TEAD1: variants seen among roughly 807,000 people sequenced by gnomAD.
TEAD1 encodes TEA domain transcription factor 1.
TEAD1 carries 9 observed loss-of-function variants against 54.9 expected under a neutral mutation model. The ratio of observed to expected loss-of-function variants is 0.16; its 90% CI spans 0.10 to 0.29. The LOEUF (loss-of-function observed/expected upper bound fraction) is 0.29. Ranked by LOEUF, TEAD1 falls within the 10% of genes least tolerant of loss-of-function variation. TEAD1 has a pLI of 1.00. For missense variants in TEAD1, 387 were observed against 535.9 expected (o/e 0.72, Z 2.74); for synonymous variants, 200 against 187.8 (o/e 1.07, Z -0.53).
intron 9 of TEAD1, among the ~76,000 whole-genome samples, chr11:12,891,523 G>C (rs1215300377): frequency 6.6e-6 from 1 of 152,234 alleles, no homozygotes; most frequent in Non-Finnish European, 1.5e-5. Context: ...GTAATGACTG[G>C]GTGTTGGAGA....
intron 2 of TEAD1, among the ~76,000 whole-genome samples, chr11:12,704,861 G>A (rs1287475117): frequency 6.6e-6 from 1 of 152,138 alleles, no homozygotes; most frequent in Non-Finnish European, 1.5e-5. Flanking sequence ...TTCATTTTTG[G>A]CATCTTCAGA....
chr11:12,930,432 C>G, intron 12 of TEAD1, 106 bp downstream of exon 12: 1 of 1,408,130 alleles, frequency 7.1e-7, no homozygotes, highest in African/African-American at 1.4e-5. Flanking sequence ...AGGGAACTGA[C>G]CAGGTTGTTG....
At chr11:12,716,123 TTGTC>T (rs906236534) in intron 2 of TEAD1, among the ~76,000 whole-genome samples, 2 of 151,764 alleles carry the variant, frequency 1.3e-5, no homozygotes, top group African/African-American at 2.4e-5. Flanking sequence ...CGCGGGCTCT[TTGTC>T]TGTCGGCTTC....
intron 3 of TEAD1, among the ~76,000 whole-genome samples, chr11:12,836,158 C>T (rs377481398): frequency 6.6e-5 from 10 of 152,230 alleles, no homozygotes; most frequent in South Asian, 6.2e-4. Flanking sequence ...TGGTGGCTCA[C>T]GCCTGTAATC....
chr11:12,864,637 G>GTTTT (rs545730659), intron 4 of TEAD1: 58 of 1,273,274 alleles, frequency 4.6e-5, no homozygotes, highest in Non-Finnish European at 5.7e-5. Flanking sequence ...GTTTTGTTTT[G>GTTTT]TTTTGTTTTG....
chr11:12,829,231 A>G (rs529090047), intron 3 of TEAD1, among the ~76,000 whole-genome samples: 4 of 152,312 alleles, frequency 2.6e-5, no homozygotes, highest in East Asian at 3.9e-4. Flanking sequence ...TTACCATACC[A>G]TTGAATTCTC....
chr11:12,842,724 A>C (rs998460952), intron 3 of TEAD1, among the ~76,000 whole-genome samples: 1 of 152,066 alleles, frequency 6.6e-6, no homozygotes, highest in Admixed American at 6.6e-5. Context: ...CCAATAAGTG[A>C]ATTTTTTTTT....
rs1949154970 is a variant in TEAD1, at chr11:12,940,767, CCTTTA to C, written c.*3549_*3553del. On this transcript the variant is annotated 3_prime_UTR_variant, in exon 13 of 13. Coordinates refer to ENST00000527636, the MANE Select transcript of TEAD1 (RefSeq NM_021961.6). The stretch of plus-strand genomic sequence containing the variant: ...ATTTCTCGTGGGTCTCATTATCAAA[CCTTTA>C]CTTATTTCGGCATATTTCCTCTGGG... The C allele has an allele frequency of 1.3e-5, 2 of 152,146 alleles. No individual in the cohort carries two copies. Among genetic ancestry groups the C allele is most frequent in the African/African-American group, 4.8e-5 (2 of 41,438 alleles). The allele number at this position is 152,146 out of a possible 1,614,324, so 9.4% of individuals were successfully genotyped here. A position where few individuals can be genotyped will look rare whatever the true frequency, so the allele number is the denominator to read the frequency against.
chr11:12,719,250 C>CT (rs1339493923), intron 2 of TEAD1, among the ~76,000 whole-genome samples: 1 of 152,060 alleles, frequency 6.6e-6, no homozygotes, highest in Non-Finnish European at 1.5e-5. Context: ...ACCTTTGACT[C>CT]TGCCTAGTGG....
At chr11:12,882,465 C>T (rs915938476) in intron 8 of TEAD1, among the ~76,000 whole-genome samples, 3 of 152,158 alleles carry the variant, frequency 2.0e-5, no homozygotes, top group African/African-American at 4.8e-5. Context: ...TAGAATTACT[C>T]CTTTGCACTA....
At chr11:12,722,664 T>C (rs1461470007) in intron 2 of TEAD1, among the ~76,000 whole-genome samples, 25 of 148,810 alleles carry the variant, frequency 1.7e-4, no homozygotes, top group Admixed American at 7.9e-4. Flanking sequence ...TTTTTTTTTT[T>C]CACAAAAATA....
intron 3 of TEAD1, among the ~76,000 whole-genome samples, chr11:12,800,969 G>T (rs1383419274): frequency 6.6e-6 from 1 of 152,218 alleles, no homozygotes; most frequent in Non-Finnish European, 1.5e-5. Flanking sequence ...TAAAAATTCT[G>T]TTGAATGCAT....
chr11:12,822,052 C>T (rs1383912929), intron 3 of TEAD1, among the ~76,000 whole-genome samples: 1 of 147,182 alleles, frequency 6.8e-6, no homozygotes, highest in Non-Finnish European at 1.5e-5. Flanking sequence ...CAAGCTCCGC[C>T]TCCCAGGTTC....
In TEAD1 at chr11:12,820,624, C is replaced by T. The variant is rs545974237; in HGVS notation, c.203-41626C>T. 2.0e-5 allele frequency among the ~76,000 whole-genome samples: 3 copies of T among 152,116 alleles called. No homozygotes were observed. The East Asian group carries it at 5.8e-4, about 29-fold the overall frequency. ...CATGGTTGGGTTGAGAGAGGAAATG[C>T]GATTATACAAAAAACGTAGAATACA... is the stretch of plus-strand genomic sequence containing the variant. On this transcript the variant is annotated intron_variant, in intron 3 of 12. Coordinates refer to ENST00000527636, the MANE Select transcript of TEAD1 (RefSeq NM_021961.6).
intron 3 of TEAD1, among the ~76,000 whole-genome samples, chr11:12,781,566 C>G (rs1219091006): frequency 2.0e-5 from 3 of 150,880 alleles, no homozygotes; most frequent in African/African-American, 7.3e-5. Context: ...CAAAGATGCT[C>G]AAAACCATTA....
intron 9 of TEAD1, among the ~76,000 whole-genome samples, chr11:12,890,214 C>G (rs1036068405): frequency 6.6e-6 from 1 of 152,128 alleles, no homozygotes; most frequent in Non-Finnish European, 1.5e-5. Context: ...TATTCTTAAC[C>G]ATGTCACTGT....
chr11:12,682,576 A>T (rs760037783), intron 2 of TEAD1, among the ~76,000 whole-genome samples: 1 of 152,144 alleles, frequency 6.6e-6, no homozygotes, highest in Non-Finnish European at 1.5e-5. Flanking sequence ...TGAACTGTGG[A>T]TAAACCACCC....
intron 2 of TEAD1, among the ~76,000 whole-genome samples, chr11:12,746,251 T>C (rs1164134759): frequency 1.3e-5 from 2 of 152,202 alleles, no homozygotes; most frequent in East Asian, 3.8e-4. Context: ...TAAATGCTTT[T>C]TATTAGCCTT....
At chr11:12,877,076 C>T (rs925592747) in intron 5 of TEAD1, among the ~76,000 whole-genome samples, 2 of 152,146 alleles carry the variant, frequency 1.3e-5, no homozygotes, top group African/African-American at 4.8e-5. Context: ...GTTGAGGAAG[C>T]TAGCTTTAGG....
Sources: allele counts gnomAD v4.1 joint callset (sites outside exome capture counted in the v4.1 genomes callset), GRCh38; gene constraint gnomAD v4.1.1; transcripts MANE v1.5; gene names NCBI Gene and HGNC (gene_info 2026-07-23, HGNC 2026-07-21).